GOLGA1: variants seen among roughly 807,000 people sequenced by gnomAD.
GOLGA1 encodes golgin A1.
In GOLGA1, 63 loss-of-function variants were observed where a neutral mutation model predicts 119.7. The ratio of observed to expected loss-of-function variants is 0.53; its 90% CI spans 0.43 to 0.65. The LOEUF is 0.65. Among genes scored for constraint, GOLGA1 ranks in the 30% least tolerant of loss-of-function variants. The probability of loss-of-function intolerance (pLI) is 0.00; values close to 1 mark genes in which losing one functional copy is unlikely to be tolerated. For synonymous variants in GOLGA1, 318 were observed against 333.4 expected (o/e 0.95, Z 0.50); for missense variants, 798 against 912.8 (o/e 0.87, Z 1.62).
chr9:124,926,868 TA>T (rs890576156), intron 6 of GOLGA1, 127 bp from the exon 7 acceptor site: 192 of 560,724 alleles, frequency 3.4e-4, no homozygotes, highest in Middle Eastern at 1.3e-3. Context: ...AAAAGCCAAT[TA>T]AAAAAAAATC....
At chr9:124,908,305 T>C (rs538637832) in intron 12 of GOLGA1, 72 bp downstream of exon 12, 35 of 814,504 alleles carry the variant, frequency 4.3e-5, no homozygotes, top group Non-Finnish European at 6.1e-5. Context: ...AAGAAGATTC[T>C]CAGTCACACC....
rs1829505359 is a variant in GOLGA1 at position 124,878,833 on chromosome 9, G to A, written c.*1697C>T. On this transcript the variant is annotated 3_prime_UTR_variant, in exon 23 of 23. Transcript: ENST00000373555. ...GTCTTAGAGATTCTTTCCTGGAACA[G>A]TTGAAAAAGGAAATCCTACTTTGAA... 6.6e-6 allele frequency: 1 copy of A among 152,228 alleles called. No individual in the cohort carries two copies. The highest frequency in any genetic ancestry group is 2.1e-4 in the South Asian group (1 of 4,838). 9.4% of individuals were successfully genotyped at this position (152,228 alleles called of 1,614,324 possible).
intron 15 of GOLGA1, among the ~76,000 whole-genome samples, chr9:124,894,319 G>C (rs1829917728): frequency 6.6e-6 from 1 of 152,014 alleles, no homozygotes; most frequent in Admixed American, 6.6e-5. Flanking sequence ...CTCATTGATA[G>C]CCATTTGGCT....
chr9:124,935,655 A>G (rs1830848871), intron 3 of GOLGA1, among the ~76,000 whole-genome samples: 1 of 151,312 alleles, frequency 6.6e-6, no homozygotes, highest in Non-Finnish European at 1.5e-5. Context: ...AAACTAGCCA[A>G]GTGTGGCGGT....
At chr9:124,909,913 C>T (rs1012131688) in intron 11 of GOLGA1, among the ~76,000 whole-genome samples, 43 of 152,130 alleles carry the variant, frequency 2.8e-4, no homozygotes, top group Admixed American at 2.5e-3. Flanking sequence ...TACAGGCACC[C>T]GCCACCATGC....
rs200589578 is a variant in GOLGA1, at chr9:124,938,631, C to A, written c.81G>T (p.Arg27=). 1.2e-6 allele frequency: 2 copies of A among 1,613,544 alleles called. No individual in the cohort carries two copies. The part of the protein sequence containing the change: ...QRPGGATRIP[R]SVSKESVASM... ...AGGCAACTGATTCCTTGCTCACAGACCGTGGGATCCTAGTAGCACCTCCTG... is the reference window on the plus strand; with the variant it reads ...AGGCAACTGATTCCTTGCTCACAGAACGTGGGATCCTAGTAGCACCTCCTG... The change falls in exon 3 of 23, where the codon CGG becomes CGT. Residue 27 remains arginine (R), a synonymous_variant. Transcript: ENST00000373555.
At chr9:124,927,898 C>T (rs1382078743) in intron 6 of GOLGA1, among the ~76,000 whole-genome samples, 1 of 152,152 alleles carries the variant, frequency 6.6e-6, no homozygotes, top group Non-Finnish European at 1.5e-5. Flanking sequence ...GACCTTTTCT[C>T]TTATTTTGGG....
chr9:124,931,982 T>G (rs1830779070), intron 3 of GOLGA1, among the ~76,000 whole-genome samples: 1 of 152,246 alleles, frequency 6.6e-6, no homozygotes, highest in South Asian at 2.1e-4. Context: ...TGAATACTAC[T>G]ATTGCTATAG....
intron 18 of GOLGA1, 22 bp downstream of exon 18, chr9:124,889,121 T>C (rs778275663): frequency 1.0e-5 from 16 of 1,584,232 alleles, no homozygotes; most frequent in Non-Finnish European, 1.1e-5. Flanking sequence ...GTAGCACCCA[T>C]GCAGGTGCAG....
intron 20 of GOLGA1, 117 bp from the exon 21 acceptor site, chr9:124,882,071 A>T (rs1430449388): frequency 2.8e-6 from 2 of 718,762 alleles, no homozygotes; most frequent in Non-Finnish European, 4.6e-6. Context: ...AAAGGGCCCC[A>T]CCTGGGAAGG....
chr9:124,904,465 A>G (rs1430324986), intron 12 of GOLGA1, among the ~76,000 whole-genome samples: 1 of 152,268 alleles, frequency 6.6e-6, no homozygotes. Flanking sequence ...AAATGTATTT[A>G]TCAGGAAATA....
At chr9:124,939,651 C>A (rs893340251) in intron 2 of GOLGA1, among the ~76,000 whole-genome samples, 2 of 148,654 alleles carry the variant, frequency 1.3e-5, no homozygotes, top group Non-Finnish European at 3.0e-5. Flanking sequence ...CAACCTCCAC[C>A]TCCTGGGTTC....
chr9:124,906,116 A>AAAATAAATAAATAAAT (rs60890510), intron 12 of GOLGA1, among the ~76,000 whole-genome samples: 5,929 of 145,100 alleles, frequency 0.041, 156 homozygotes, highest in East Asian at 0.1. Flanking sequence ...GTGTCTCCAA[A>AAAATAAATAAATAAAT]AAATAAATAA....
intron 15 of GOLGA1, 71 bp downstream of exon 15, chr9:124,898,478 T>C (rs1441435908): frequency 1.2e-6 from 1 of 846,078 alleles, no homozygotes; most frequent in African/African-American, 1.7e-5. Flanking sequence ...GTATGAGAAG[T>C]GGGGCACTGT....
chr9:124,890,558 C>G, intron 15 of GOLGA1, 80 bp from the exon 16 acceptor site: 1 of 1,060,282 alleles, frequency 9.4e-7, no homozygotes. Flanking sequence ...GCCCAGCAGA[C>G]AGGGCATGGC....
chr9:124,926,626 G>T, intron 7 of GOLGA1, 83 bp downstream of exon 7: 1 of 847,742 alleles, frequency 1.2e-6, no homozygotes, highest in Non-Finnish European at 2.1e-6. Context: ...ATAGCAATCA[G>T]TATGTTGGTT....
At chr9:124,896,658 C>T (rs1829993272) in intron 15 of GOLGA1, among the ~76,000 whole-genome samples, 1 of 152,188 alleles carries the variant, frequency 6.6e-6, no homozygotes, top group Admixed American at 6.5e-5. Flanking sequence ...CCTGCCATAG[C>T]TGGTTAGGAG....
rs776373071 is a variant in GOLGA1 at position 124,881,886 on chromosome 9, C to T, written c.2034G>A (p.Ala678=). The change falls in exon 21 of 23, where the codon GCG becomes GCA. Residue 678 remains alanine (A), a synonymous_variant. Transcript: ENST00000373555. The surrounding 1 kb of genome is among the most constrained non-coding windows in gnomAD (Gnocchi z 4.9). ...EKPGPEMANM[A]PSVTNNTDLT... is the part of the protein sequence containing the mutation. ...GGTCAGTGTTATTCGTGACGGAAGG[C>T]GCCATGTTTGCCATCTCAGGTCCAG... The T allele has an allele frequency of 3.3e-5, 53 of 1,611,688 alleles. No individual in the cohort carries two copies. The Admixed American group carries it at 4.7e-4, about 14-fold the overall frequency.
intron 15 of GOLGA1, among the ~76,000 whole-genome samples, chr9:124,895,225 G>GAGAGAACCCTCCACAAC (rs1829941293): frequency 9.0e-6 from 1 of 110,786 alleles, no homozygotes; most frequent in Non-Finnish European, 1.8e-5. Flanking sequence ...CCATCCACAA[G>GAGAGAACCCTCCACAAC]AGAGAACCCT....
Sources: gnomAD v4.1 joint callset for allele counts (sites outside exome capture counted in the v4.1 genomes callset) on GRCh38, gnomAD v4.1.1 for gene constraint, Gnocchi (gnomAD v3.1) non-coding constraint, MANE v1.5 for transcripts, NCBI Gene and HGNC (gene_info 2026-07-23, HGNC 2026-07-21) for gene names.